STK32A: variants seen among roughly 807,000 people sequenced by gnomAD.
The protein encoded by STK32A is serine/threonine kinase 32A, also known as serine/threonine-protein kinase 32A.
A neutral mutation model predicts 53.2 loss-of-function variants in STK32A; 41 were observed. The observed-to-expected ratio is 0.77, with a 90% CI of 0.60 to 1.00. The LOEUF is 1.00. Among genes scored for constraint, STK32A ranks in the 50% least tolerant of loss-of-function variants. STK32A has a pLI of 0.00. For missense variants in STK32A, 458 were observed against 485.8 expected (o/e 0.94, Z 0.54); for synonymous variants, 166 against 162.8 (o/e 1.02, Z -0.15).
rs1022454998 is a variant in STK32A, at chr5:147,366,815, A to G, written c.661-3839A>G. Among the ~76,000 whole-genome samples the G allele has an allele frequency of 2.0e-5, 3 of 151,910 alleles. No homozygotes were observed. The East Asian group carries it at 5.8e-4, about 29-fold the overall frequency. On this transcript the variant is annotated intron_variant, in intron 8 of 12. Transcript: ENST00000397936. ...ATAAGGATACTCTATCTTCAGATAG[A>G]TAGATATAGATAGATGTGTTGTTTT...
intron 11 of STK32A, among the ~76,000 whole-genome samples, chr5:147,376,714 C>G (rs1205102871): frequency 1.3e-5 from 2 of 152,146 alleles, no homozygotes; most frequent in Non-Finnish European, 2.9e-5. Flanking sequence ...AAGGCCTTTG[C>G]CCTTGCTCTT....
intron 2 of STK32A, among the ~76,000 whole-genome samples, chr5:147,246,958 G>C (rs555555423): frequency 5.3e-4 from 80 of 152,312 alleles, no homozygotes; most frequent in African/African-American, 1.9e-3. Flanking sequence ...GTTAGTTAAA[G>C]AGTGTCTTCT....
intron 2 of STK32A, among the ~76,000 whole-genome samples, chr5:147,274,470 A>C (rs1755169085): frequency 6.6e-6 from 1 of 152,220 alleles, no homozygotes; most frequent in Admixed American, 6.5e-5. Context: ...CAAGAAGTAA[A>C]CACCACTAAG....
chr5:147,244,880 A>T (rs571607196), intron 2 of STK32A, among the ~76,000 whole-genome samples: 7 of 152,298 alleles, frequency 4.6e-5, no homozygotes, highest in Admixed American at 2.0e-4. Flanking sequence ...GTAACCACTC[A>T]ATTAATGCTA....
intron 6 of STK32A, 110 bp downstream of exon 6, chr5:147,343,153 C>T (rs541626655): frequency 4.3e-5 from 52 of 1,220,094 alleles, no homozygotes; most frequent in Non-Finnish European, 5.3e-5. Context: ...TCTATTCATT[C>T]GAGCTCTACT....
chr5:147,392,214 C>T (rs1031781681), downstream of STK32A: 1 of 152,214 alleles, frequency 6.6e-6, no homozygotes, highest in South Asian at 2.1e-4. Context: ...CCTTTTACTA[C>T]ATCTCCCTTA....
rs985248839 is a variant in STK32A at position 147,236,631 on chromosome 5, C to T, written c.-97+1432C>T. 3.3e-5 allele frequency among the ~76,000 whole-genome samples: 5 copies of T among 152,122 alleles called. No individual in the cohort carries two copies. In the East Asian group the frequency reaches 5.8e-4, roughly 18 times the overall value. On this transcript the variant is annotated intron_variant, in intron 1 of 12. Coordinates refer to ENST00000397936, the MANE Select transcript of STK32A (RefSeq NM_001112724.2). The stretch of plus-strand genomic sequence containing the variant: ...TAGGTGCAATGAAGAAGATACTAAA[C>T]GACCACCCAGTGGTTCCATCTGCTT...
At chr5:147,285,608 C>A (rs1315124105) in intron 4 of STK32A, among the ~76,000 whole-genome samples, 1 of 152,022 alleles carries the variant, frequency 6.6e-6, no homozygotes, top group Admixed American at 6.6e-5. Flanking sequence ...AAAAAACAAT[C>A]CTATCAAAAA....
Position 147,260,049 on chromosome 5 carries a change from C to CCT in STK32A, c.53-18063_53-18062dup, listed in dbSNP as rs796804723. 9.2e-4 allele frequency among the ~76,000 whole-genome samples: 130 copies of CCT among 142,058 alleles called. 1 individual carries two copies. The highest frequency in any genetic ancestry group is 4.0e-3 in the Middle Eastern group (1 of 248). 93.2% of individuals were successfully genotyped at this position (142,058 alleles called of 152,430 possible). ...CTCTCTCTTTCTCTCTCCTGTCTCT[C>CCT]CTCTCTCTCTCTCCCCTCTCTCCTG... is the stretch of plus-strand genomic sequence containing the variant. On this transcript the variant is annotated intron_variant, in intron 2 of 12. Coordinates refer to ENST00000397936, the MANE Select transcript of STK32A (RefSeq NM_001112724.2).
intron 7 of STK32A, among the ~76,000 whole-genome samples, chr5:147,356,381 CAT>C (rs1439922412): frequency 6.6e-6 from 1 of 152,132 alleles, no homozygotes; most frequent in Non-Finnish European, 1.5e-5. Context: ...AATATATTAA[CAT>C]ATAATTAATG....
chr5:147,260,773 C>T (rs1187732013), intron 2 of STK32A, among the ~76,000 whole-genome samples: 2 of 152,168 alleles, frequency 1.3e-5, no homozygotes, highest in African/African-American at 2.4e-5. Context: ...GCGGGATACG[C>T]CCTAAGCCAT....
chr5:147,346,570 A>C (rs1462609252), intron 6 of STK32A, among the ~76,000 whole-genome samples: 1 of 152,192 alleles, frequency 6.6e-6, no homozygotes, highest in Non-Finnish European at 1.5e-5. Flanking sequence ...TGCCTTAAAA[A>C]TGTTTTTAAC....
intron 2 of STK32A, among the ~76,000 whole-genome samples, chr5:147,271,529 C>T (rs982814988): frequency 1.3e-5 from 2 of 152,118 alleles, no homozygotes; most frequent in Admixed American, 6.6e-5. Flanking sequence ...GCCGGTGAGC[C>T]GGGAGGAACA....
At chr5:147,302,463 T>C (rs993827505) in intron 4 of STK32A, among the ~76,000 whole-genome samples, 1 of 152,204 alleles carries the variant, frequency 6.6e-6, no homozygotes, top group African/African-American at 2.4e-5. Flanking sequence ...TCACCATCTT[T>C]CTATGTAAGG....
chr5:147,261,705 T>C (rs1754581569), intron 2 of STK32A, among the ~76,000 whole-genome samples: 1 of 152,196 alleles, frequency 6.6e-6, no homozygotes, highest in African/African-American at 2.4e-5. Flanking sequence ...GGTTTTATGT[T>C]AGGAGTTTGG....
chr5:147,351,814 T>A (rs1189950564), intron 7 of STK32A, among the ~76,000 whole-genome samples: 1 of 152,072 alleles, frequency 6.6e-6, no homozygotes, highest in Non-Finnish European at 1.5e-5. Context: ...GCCATTGCAC[T>A]CCAGCCTGGC....
chr5:147,362,205 A>T (rs17483127), intron 8 of STK32A, among the ~76,000 whole-genome samples: 5,005 of 152,350 alleles, frequency 0.033, 118 homozygotes, highest in South Asian at 0.064. Context: ...CATAATAGAA[A>T]TACACTCCTT....
intron 2 of STK32A, among the ~76,000 whole-genome samples, chr5:147,272,899 A>G (rs1451804331): frequency 6.6e-6 from 1 of 152,230 alleles, no homozygotes; most frequent in Non-Finnish European, 1.5e-5. Flanking sequence ...TTGCCTGTTC[A>G]GTAGAAAGGT....
In STK32A at chr5:147,351,087, C is replaced by G. The variant is rs1277908423; in HGVS notation, c.495C>G (p.Phe165Leu). 16 of 1,613,952 alleles carry G rather than the reference C, an allele frequency of 9.9e-6. No homozygotes were observed. Among genetic ancestry groups the G allele is most frequent in the Non-Finnish European group, 1.4e-5 (16 of 1,179,872 alleles). The part of the protein sequence containing the change: ...DEHGHVHITD[F>L]NIAAMLPRET... Reference sequence around the variant, plus strand: ...CAGGGCACGTGCACATCACAGATTTCAACATTGCTGCGATGCTGCCCAGGG... The same window carrying G: ...CAGGGCACGTGCACATCACAGATTTGAACATTGCTGCGATGCTGCCCAGGG... Residue 165 changes from phenylalanine (F) to leucine (L), a missense_variant, in exon 7 of 13, where the codon TTC becomes TTG. Coordinates refer to ENST00000397936, the MANE Select transcript of STK32A (RefSeq NM_001112724.2).
Sources: gnomAD v4.1 joint callset for allele counts (sites outside exome capture counted in the v4.1 genomes callset) on GRCh38, gnomAD v4.1.1 for gene constraint, MANE v1.5 for transcripts, NCBI Gene and HGNC (gene_info 2026-07-23, HGNC 2026-07-21) for gene names.